Variants in NEDD9 observed in about 807,000 individuals in gnomAD.
The protein encoded by NEDD9 is enhancer of filamentation 1.
Under a neutral mutation model 76.6 loss-of-function variants are expected in NEDD9, and 26 were observed. The observed-to-expected ratio is 0.34, with a 90% confidence interval of 0.25 to 0.47. NEDD9 has a LOEUF of 0.47. Ranked by LOEUF, NEDD9 falls within the 20% of genes least tolerant of loss-of-function variation. The pLI, the probability that NEDD9 is intolerant of heterozygous loss-of-function variation, is 1.00. For missense variants in NEDD9, 937 were observed against 1,058.5 expected (o/e 0.89, Z 1.59); for synonymous variants, 392 against 414.2 (o/e 0.95, Z 0.65).
intron 3 of NEDD9, among the ~76,000 whole-genome samples, chr6:11,303,479 C>A (rs1761105236): frequency 6.6e-6 from 1 of 152,138 alleles, no homozygotes; most frequent in Non-Finnish European, 1.5e-5. Flanking sequence ...CGCCATCAAG[C>A]TACCTGACTT....
At chr6:11,253,700 C>T (rs1176266399) in intron 3 of NEDD9, among the ~76,000 whole-genome samples, 2 of 152,166 alleles carry the variant, frequency 1.3e-5, no homozygotes, top group African/African-American at 4.8e-5. Context: ...AAAGTCCATT[C>T]CTTCTTCTGG....
intron 1 of NEDD9, among the ~76,000 whole-genome samples, chr6:11,216,284 C>T (rs890618603): frequency 3.3e-5 from 5 of 152,200 alleles, no homozygotes; most frequent in East Asian, 3.8e-4. Context: ...CAGCCTTGGC[C>T]GAACAGGAGT....
At chr6:11,338,287 C>T (rs1762204722) in intron 1 of NEDD9, among the ~76,000 whole-genome samples, 1 of 152,286 alleles carries the variant, frequency 6.6e-6, no homozygotes, top group East Asian at 1.9e-4. Context: ...CCAAGGAATG[C>T]CAAAGACGGC....
chr6:11,260,206 T>G (rs142406442), intron 3 of NEDD9, among the ~76,000 whole-genome samples: 146 of 152,298 alleles, frequency 9.6e-4, no homozygotes, highest in Middle Eastern at 3.4e-3. Context: ...AAATATATGT[T>G]GGTATACAGA....
intron 3 of NEDD9, among the ~76,000 whole-genome samples, chr6:11,250,452 C>G (rs1029151168): frequency 3.9e-5 from 6 of 152,168 alleles, no homozygotes; most frequent in African/African-American, 1.4e-4. Context: ...AAAACATCCT[C>G]AAGTGTTCTT....
intron 2 of NEDD9, among the ~76,000 whole-genome samples, chr6:11,195,340 C>T (rs1425457770): frequency 6.6e-6 from 1 of 152,190 alleles, no homozygotes; most frequent in East Asian, 1.9e-4. Context: ...TGGCATGGAG[C>T]ATACGGAACC....
intron 1 of NEDD9, among the ~76,000 whole-genome samples, chr6:11,340,139 G>T (rs746142364): frequency 1.2e-4 from 19 of 152,140 alleles, no homozygotes; most frequent in Non-Finnish European, 2.1e-4. Flanking sequence ...GATCTCCTCA[G>T]CCTGAATGAA....
chr6:11,289,419 T>C (rs923023001), intron 3 of NEDD9, among the ~76,000 whole-genome samples: 3 of 152,224 alleles, frequency 2.0e-5, no homozygotes, highest in African/African-American at 4.8e-5. Flanking sequence ...ATCAGCACCA[T>C]ACTTTGCAGC....
chr6:11,288,284 T>C (rs1760692639), intron 3 of NEDD9, among the ~76,000 whole-genome samples: 1 of 152,242 alleles, frequency 6.6e-6, no homozygotes, highest in Non-Finnish European at 1.5e-5. Context: ...CACCCTGGTC[T>C]AAGGTCTGTT....
intron 1 of NEDD9, among the ~76,000 whole-genome samples, chr6:11,224,976 A>C (rs1369763926): frequency 6.6e-6 from 1 of 152,228 alleles, no homozygotes; most frequent in Non-Finnish European, 1.5e-5. Flanking sequence ...TGAATGACAT[A>C]TACTATCTAA....
intron 1 of NEDD9, among the ~76,000 whole-genome samples, chr6:11,347,128 GGTGGAGAGGAGCACTGGGGTACAAA>G (rs903814804): frequency 2.0e-5 from 3 of 152,188 alleles, no homozygotes; most frequent in African/African-American, 4.8e-5. Context: ...AGAGGTGCAG[GGTGGAGAGGAGCACTGGGGTACAAA>G]GTGGAGAGGA....
chr6:11,224,877 T>A (rs1290599350), intron 1 of NEDD9, among the ~76,000 whole-genome samples: 1 of 152,196 alleles, frequency 6.6e-6, no homozygotes. Flanking sequence ...ACAAGTGGAC[T>A]GTCATGAATC....
At chr6:11,308,217 G>T (rs1290446867) in intron 2 of NEDD9, among the ~76,000 whole-genome samples, 1 of 152,038 alleles carries the variant, frequency 6.6e-6, no homozygotes, top group East Asian at 1.9e-4. Flanking sequence ...GGGGCATAAG[G>T]GTAGATGGCT....
At chr6:11,248,688 C>G (rs116561404) in intron 3 of NEDD9, among the ~76,000 whole-genome samples, 3,262 of 152,242 alleles carry the variant, frequency 0.021, 107 homozygotes, top group African/African-American at 0.075. Flanking sequence ...GTCCCCAAGG[C>G]CAGGCCCATC....
intron 3 of NEDD9, among the ~76,000 whole-genome samples, chr6:11,279,185 T>C (rs767022395): frequency 2.0e-5 from 3 of 152,248 alleles, no homozygotes; most frequent in Non-Finnish European, 4.4e-5. Flanking sequence ...ATCTGGAAGA[T>C]TCACTTAAAA....
At chr6:11,308,634 G>A (rs532424253) in intron 2 of NEDD9, among the ~76,000 whole-genome samples, 4 of 152,108 alleles carry the variant, frequency 2.6e-5, no homozygotes, top group Admixed American at 6.5e-5. Flanking sequence ...CTCCCAAAGT[G>A]CTGGGATTAC....
intron 1 of NEDD9, among the ~76,000 whole-genome samples, chr6:11,354,113 G>A (rs529018489): frequency 6.6e-6 from 1 of 152,240 alleles, no homozygotes; most frequent in Non-Finnish European, 1.5e-5. Flanking sequence ...AACTTGCCAG[G>A]CAATGTGAAA....
intron 1 of NEDD9, among the ~76,000 whole-genome samples, chr6:11,369,380 GAGA>G (rs1393246416): frequency 6.6e-6 from 1 of 152,116 alleles, no homozygotes; most frequent in African/African-American, 2.4e-5. Flanking sequence ...CTGACGAGGG[GAGA>G]AGAATTATTA....
At chr6:11,218,456 A>G (rs540633837) in intron 1 of NEDD9, among the ~76,000 whole-genome samples, 5 of 151,408 alleles carry the variant, frequency 3.3e-5, no homozygotes, top group African/African-American at 7.3e-5. Flanking sequence ...ATGGGTATCT[A>G]TTCAAAGGCT....
Sources: gnomAD v4.1 joint callset for allele counts (sites outside exome capture counted in the v4.1 genomes callset) on GRCh38, gnomAD v4.1.1 for gene constraint, MANE v1.5 for transcripts, NCBI Gene and HGNC (gene_info 2026-07-23, HGNC 2026-07-21) for gene names.